Variants in ZFAND4 observed in about 807,000 individuals in gnomAD.
The protein encoded by ZFAND4 is AN1-type zinc finger protein 4.
Under a neutral mutation model 64.4 loss-of-function variants are expected in ZFAND4, and 43 were observed. That is an observed-to-expected ratio of 0.67 (90% CI 0.52 to 0.86). The LOEUF is 0.86. ZFAND4 is among the 40% of genes least tolerant of loss of function. The pLI is 0.00. For synonymous variants in ZFAND4, 296 were observed against 305.7 expected (o/e 0.97, Z 0.33); for missense variants, 929 against 859.8 (o/e 1.08, Z -1.01).
At chr10:45,647,235 C>A (rs2047443378) in intron 5 of ZFAND4, among the ~76,000 whole-genome samples, 1 of 152,122 alleles carries the variant, frequency 6.6e-6, no homozygotes, top group Non-Finnish European at 1.5e-5. Flanking sequence ...CTGGGCGCTC[C>A]ATCATATAAC....
Position 45,635,606 on chromosome 10 carries a change from T to C in ZFAND4, c.717+4210A>G, listed in dbSNP as rs148807338. 3.6e-3 allele frequency among the ~76,000 whole-genome samples: 546 copies of C among 152,296 alleles called. 5 individuals are homozygous for C. Among genetic ancestry groups the C allele is most frequent in the African/African-American group, 0.013 (520 of 41,572 alleles). On this transcript the variant is annotated intron_variant, in intron 6 of 9. Coordinates refer to ENST00000344646, the MANE Select transcript of ZFAND4 (RefSeq NM_174890.4). ...TGAAAGTAGGGTCTCAAAGACATAT[T>C]TGTATACTTATGTTCATAGCACCAT...
At chr10:45,660,865 G>A (rs1430717401) in intron 2 of ZFAND4, among the ~76,000 whole-genome samples, 1 of 152,058 alleles carries the variant, frequency 6.6e-6, no homozygotes, top group Non-Finnish European at 1.5e-5. Context: ...AGACAAACAA[G>A]AAACGTTAAA....
intron 5 of ZFAND4, among the ~76,000 whole-genome samples, chr10:45,644,784 T>C (rs1269753739): frequency 6.6e-6 from 1 of 152,100 alleles, no homozygotes; most frequent in Non-Finnish European, 1.5e-5. Context: ...AATACCAAGT[T>C]TGAAGTGACT....
chr10:45,652,874 A>T, intron 3 of ZFAND4, 110 bp downstream of exon 3: 5 of 765,602 alleles, frequency 6.5e-6, no homozygotes, highest in Non-Finnish European at 1.1e-5. Context: ...AGGAATGTGA[A>T]CTATTCAGGA....
intron 2 of ZFAND4, chr10:45,662,789 G>A: frequency 2.8e-6 from 1 of 363,608 alleles, no homozygotes; most frequent in South Asian, 1.1e-4. Flanking sequence ...AAACCAGCTG[G>A]AGGGCAACCC....
intron 4 of ZFAND4, chr10:45,648,966 A>C: frequency 1.0e-6 from 1 of 985,252 alleles, no homozygotes; most frequent in Non-Finnish European, 1.2e-6. Context: ...CACTTACGTT[A>C]GATTAAAAGT....
chr10:45,652,889 A>G, intron 3 of ZFAND4, 95 bp downstream of exon 3: 1 of 928,340 alleles, frequency 1.1e-6, no homozygotes, highest in South Asian at 1.7e-5. Flanking sequence ...TCAGGAGAAA[A>G]ACAGACATGA....
intron 8 of ZFAND4, among the ~76,000 whole-genome samples, chr10:45,623,916 A>G (rs1430010110): frequency 1.3e-5 from 2 of 152,256 alleles, no homozygotes; most frequent in African/African-American, 4.8e-5. Context: ...CATGACAACC[A>G]TAACAAATAA....
At chr10:45,637,361 T>G in intron 6 of ZFAND4, among the ~76,000 whole-genome samples, 2 of 150,190 alleles carry the variant, frequency 1.3e-5, no homozygotes, top group South Asian at 2.1e-4. Flanking sequence ...AAAAAAAAAT[T>G]TCAGCTGGAC....
chr10:45,663,834 GT>G lies in ZFAND4; in HGVS notation c.-110del. 1.0e-6 allele frequency: 1 copy of G among 964,964 alleles called. No individual in the cohort carries two copies. The highest frequency in any genetic ancestry group is 1.4e-6 in the Non-Finnish European group (1 of 698,460). The allele number at this position is 964,964 out of a possible 1,614,324, so 59.8% of individuals were successfully genotyped here. ...ATATATATTGTTGTTCATGTTTTGA[GT>G]TTTGTACCTAAAAAAACAAGAATTT... is the stretch of plus-strand genomic sequence containing the variant. On this transcript the variant is annotated 5_prime_UTR_variant, in exon 2 of 10. Transcript: ENST00000344646.
chr10:45,621,135 G>GTCT (rs755189062), intron 8 of ZFAND4, among the ~76,000 whole-genome samples: 3 of 152,250 alleles, frequency 2.0e-5, no homozygotes, highest in East Asian at 3.9e-4. Context: ...GCTGGTAGTC[G>GTCT]TCTGCCTAAA....
chr10:45,663,434 C>T (rs2048606604), intron 2 of ZFAND4, 108 bp downstream of exon 2: 1 of 821,020 alleles, frequency 1.2e-6, no homozygotes, highest in Non-Finnish European at 1.8e-6. Flanking sequence ...CTTATTCTAA[C>T]ATCATATATG....
At chr10:45,670,915 A>G (rs901723562) in intron 1 of ZFAND4, among the ~76,000 whole-genome samples, 9 of 152,344 alleles carry the variant, frequency 5.9e-5, no homozygotes, top group Middle Eastern at 3.4e-3. Context: ...AATGGGAAAA[A>G]AATTTTGCAA....
chr10:45,623,585 G>A (rs2045589238), intron 8 of ZFAND4, among the ~76,000 whole-genome samples: 1 of 152,148 alleles, frequency 6.6e-6, no homozygotes, highest in South Asian at 2.1e-4. Flanking sequence ...ACTTACATAG[G>A]TACTTAGAGT....
At chr10:45,655,518 G>A (rs2048039269) in intron 2 of ZFAND4, among the ~76,000 whole-genome samples, 1 of 151,950 alleles carries the variant, frequency 6.6e-6, no homozygotes, top group Admixed American at 6.6e-5. Context: ...ACAAAGATCA[G>A]AGCAGAACTA....
chr10:45,626,932 T>C lies in ZFAND4; in HGVS notation c.891A>G (p.Ser297=). The C allele has an allele frequency of 6.2e-7, 1 of 1,614,234 alleles. No individual in the cohort carries two copies. ...YPPEISRNGI[S]SLATQLSAER... is the part of the protein sequence containing the mutation. ...CAGCAGAGAGTTGAGTTGCCAAACT[T>C]GAAATTCCATTCCTGGAGATTTCGG... Residue 297 remains serine (S), a synonymous_variant, in exon 7 of 10, where the codon TCA becomes TCG. Coordinates refer to ENST00000344646, the MANE Select transcript of ZFAND4 (RefSeq NM_174890.4).
rs2049286844 is a variant in ZFAND4, at chr10:45,672,672, G to A, written c.-540C>T. ...CCCCTGCCGGCCGCTCGCTAGCTCAGCCTCACCCGCAGTCTTGTCCGCTGG... is the reference window on the plus strand; with the variant it reads ...CCCCTGCCGGCCGCTCGCTAGCTCAACCTCACCCGCAGTCTTGTCCGCTGG... On this transcript the variant is annotated 5_prime_UTR_variant, in exon 1 of 10. Coordinates refer to ENST00000344646, the MANE Select transcript of ZFAND4 (RefSeq NM_174890.4). 2 of 152,070 alleles carry A rather than the reference G, an allele frequency of 1.3e-5. No individual in the cohort carries two copies. Among genetic ancestry groups the A allele is most frequent in the Admixed American group, 6.6e-5 (1 of 15,264 alleles). The allele number at this position is 152,070 out of a possible 1,614,324, so 9.4% of individuals were successfully genotyped here. A position where few individuals can be genotyped will look rare whatever the true frequency, so the allele number is the denominator to read the frequency against.
intron 8 of ZFAND4, 49 bp from the exon 9 acceptor site, chr10:45,618,309 C>T: frequency 6.3e-7 from 1 of 1,590,994 alleles, no homozygotes; most frequent in Non-Finnish European, 8.5e-7. Flanking sequence ...AAATCCTAAA[C>T]ATGAAATATT....
At chr10:45,650,858 A>T (rs1216435691) in intron 4 of ZFAND4, 1 of 152,152 alleles carries the variant, frequency 6.6e-6, no homozygotes, top group East Asian at 1.9e-4. Flanking sequence ...CCTAAATCCA[A>T]TTAATTAAAA....
Sources: gnomAD v4.1 joint callset for allele counts (sites outside exome capture counted in the v4.1 genomes callset) on GRCh38, gnomAD v4.1.1 for gene constraint, MANE v1.5 for transcripts, NCBI Gene and HGNC (gene_info 2026-07-23, HGNC 2026-07-21) for gene names.